Variants in MFSD2A observed in about 807,000 individuals in gnomAD.
MFSD2A encodes MFSD2 lysolipid transporter A, lysophospholipid, also known as sodium-dependent lysophosphatidylcholine symporter 1.
A neutral mutation model predicts 64.7 loss-of-function variants in MFSD2A; 27 were observed. The ratio of observed to expected loss-of-function variants is 0.42; its 90% CI spans 0.31 to 0.58. The LOEUF is 0.58. Among genes scored for constraint, MFSD2A ranks in the 20% least tolerant of loss-of-function variants. The pLI is 0.18. For synonymous variants in MFSD2A, 258 were observed against 273.4 expected (o/e 0.94, Z 0.55); for missense variants, 474 against 679.5 (o/e 0.70, Z 3.36).
At position 39,964,283 on chromosome 1, in the gene MFSD2A, A is replaced by G. The variant is rs1344114943; in HGVS notation, c.354-928A>G. 2.0e-5 allele frequency: 3 copies of G among 152,300 alleles called. No individual in the cohort carries two copies. The South Asian group carries it at 6.2e-4, about 32-fold the overall frequency. The allele number at this position is 152,300 out of a possible 1,614,324, so 9.4% of individuals were successfully genotyped here. ...GTATGTAAGTTCCACAAGGGCAATGATTTTTTATCTGTTCTCTAGTTATCC... is the reference window on the plus strand; with the variant it reads ...GTATGTAAGTTCCACAAGGGCAATGGTTTTTTATCTGTTCTCTAGTTATCC... On this transcript the variant is annotated intron_variant, in intron 3 of 13. Transcript: ENST00000372811. This position sits in a 1 kb window ranked among gnomAD's most constrained non-coding sequence, Gnocchi z 4.1.
chr1:39,957,198 A>C lies in MFSD2A; in HGVS notation c.205A>C (p.Ile69Leu), dbSNP rs1201543520. The C allele has an allele frequency of 4.4e-6, 7 of 1,607,128 alleles. 1 individual carries two copies. The highest frequency in any genetic ancestry group is 3.3e-4 in the Middle Eastern group (2 of 6,050). Reference protein sequence around the residue: ...TGCALGFFLQIYLLDVAQVGP... With the variant: ...TGCALGFFLQLYLLDVAQVGP... The stretch of plus-strand genomic sequence containing the variant: ...CTGTGCCCTGGGTTTCTTCCTTCAG[A>C]TCTACCTATTGGATGTGGCTCAGGT... Residue 69 changes from isoleucine (I) to leucine (L), a missense_variant, in exon 2 of 14, where the codon ATC becomes CTC. Physicochemically the swap from Ile to Leu is conservative, Grantham distance 5. Transcript: ENST00000372811.
chr1:39,962,203 C>T (rs955546685), intron 3 of MFSD2A, among the ~76,000 whole-genome samples: 1 of 152,208 alleles, frequency 6.6e-6, no homozygotes, highest in African/African-American at 2.4e-5. Context: ...CCTGGCCTTG[C>T]CCTTCCTTAG....
At chr1:39,962,043 CTG>C (rs1645055574) in intron 3 of MFSD2A, among the ~76,000 whole-genome samples, 1 of 152,248 alleles carries the variant, frequency 6.6e-6, no homozygotes, top group African/African-American at 2.4e-5. Context: ...GTCCCAAACA[CTG>C]TTTGACATTT....
chr1:39,965,429 G>T lies in MFSD2A; in HGVS notation c.478-42G>T, dbSNP rs1364175358. The T allele has an allele frequency of 1.4e-5, 23 of 1,613,402 alleles. No individual in the cohort carries two copies. The highest frequency in any genetic ancestry group is 1.6e-4 in the Middle Eastern group (1 of 6,078). ...TTGGTACTGGAAGCTACATCAGTGT[G>T]TCCACCCGCCTGACCAGCCAATGAC... On this transcript the variant is annotated intron_variant, in intron 4 of 13. Coordinates refer to ENST00000372811, the MANE Select transcript of MFSD2A (RefSeq NM_032793.5). This position sits in a 1 kb window ranked among gnomAD's most constrained non-coding sequence, Gnocchi z 5.5.
At position 39,963,054 on chromosome 1, in the gene MFSD2A, T is replaced by G. The variant is rs1044807332; in HGVS notation, c.354-2157T>G. On this transcript the variant is annotated intron_variant, in intron 3 of 13. Coordinates refer to ENST00000372811, the MANE Select transcript of MFSD2A (RefSeq NM_032793.5). This position sits in a 1 kb window ranked among gnomAD's most constrained non-coding sequence, Gnocchi z 4.2. ...CATTGTCCCCGTGCGCAGAGGCTAC[T>G]GGGGGAACAAGATCAGCAAGCCCCA... The G allele has an allele frequency of 2.8e-6, 4 of 1,430,442 alleles. No homozygotes were observed. The highest frequency in any genetic ancestry group is 2.8e-5 in the African/African-American group (2 of 71,274). 88.6% of individuals were successfully genotyped at this position (1,430,442 alleles called of 1,614,324 possible). A position where few individuals can be genotyped will look rare whatever the true frequency, so the allele number is the denominator to read the frequency against.
At position 39,955,227 on chromosome 1, in the gene MFSD2A, A is replaced by G; in HGVS notation, c.-66A>G. 2 of 1,278,146 alleles carry G rather than the reference A, an allele frequency of 1.6e-6. No individual in the cohort carries two copies. The highest frequency in any genetic ancestry group is 2.0e-6 in the Non-Finnish European group (2 of 994,316). 79.2% of individuals were successfully genotyped at this position (1,278,146 alleles called of 1,614,324 possible). On this transcript the variant is annotated 5_prime_UTR_variant, in exon 1 of 14. Coordinates refer to ENST00000372811, the MANE Select transcript of MFSD2A (RefSeq NM_032793.5). The surrounding 1 kb of genome is among the most constrained non-coding windows in gnomAD (Gnocchi z 5.9). ...GCTGCTACGAAGCGAGCTTGGGAGG[A>G]GCAGCGGCCTGCGGGGCAGAGGAGC...
chr1:39,962,503 C>T (rs982995727), intron 3 of MFSD2A, among the ~76,000 whole-genome samples: 4 of 152,274 alleles, frequency 2.6e-5, no homozygotes, highest in Admixed American at 2.6e-4. Context: ...TTTACCATAA[C>T]CTTTAAAAAA....
chr1:39,967,046 C>T, intron 8 of MFSD2A, 40 bp from the exon 9 acceptor site: 4 of 1,612,416 alleles, frequency 2.5e-6, no homozygotes, highest in Non-Finnish European at 3.4e-6. Context: ...AACATCACCT[C>T]CTTCCTTGCA....
rs1267800004 is a variant in MFSD2A at position 39,965,838 on chromosome 1, C to T, written c.557-19C>T. On this transcript the variant is annotated intron_variant, in intron 5 of 13. Coordinates refer to ENST00000372811, the MANE Select transcript of MFSD2A (RefSeq NM_032793.5). This position sits in a 1 kb window ranked among gnomAD's most constrained non-coding sequence, Gnocchi z 5.5. ...CAATCCATGAGGCCCCTCCAAAACA[C>T]CTCCTTTTCTCCTGCCAGGGATGAC... The T allele has an allele frequency of 3.1e-6, 5 of 1,612,858 alleles. No individual in the cohort carries two copies. In the African/African-American group the frequency reaches 4.0e-5, roughly 13 times the overall value.
In MFSD2A at chr1:39,966,815, C is replaced by G; in HGVS notation, c.810C>G (p.Pro270=). The change falls in exon 8 of 14, where the codon CCC becomes CCG. Residue 270 remains proline (P), a synonymous_variant. Coordinates refer to ENST00000372811, the MANE Select transcript of MFSD2A (RefSeq NM_032793.5). Reference sequence around the variant, plus strand: ...ACTGTCCGCTCTGGCCCCCAGAACCCTATGAAGCCCAGCAGTCTGAGCCAA... The same window carrying G: ...ACTGTCCGCTCTGGCCCCCAGAACCGTATGAAGCCCAGCAGTCTGAGCCAA... ...LILGVREQRE[P]YEAQQSEPIA... is the part of the protein sequence containing the mutation. 6.2e-7 allele frequency: 1 copy of G among 1,614,080 alleles called. No individual in the cohort carries two copies. The highest frequency in any genetic ancestry group is 1.1e-5 in the South Asian group (1 of 91,088).
intron 1 of MFSD2A, among the ~76,000 whole-genome samples, chr1:39,956,864 C>G (rs1255842866): frequency 7.5e-6 from 1 of 134,124 alleles, no homozygotes; most frequent in Admixed American, 8.8e-5. Flanking sequence ...TGCAGTGAGC[C>G]GAGATGGCAC....
chr1:39,958,138 A>G lies in MFSD2A; in HGVS notation c.229-563A>G, dbSNP rs74882301. Among the ~76,000 whole-genome samples the G allele has an allele frequency of 0.02, 3,085 of 151,076 alleles. 102 individuals carry two copies. Among genetic ancestry groups the G allele is most frequent in the African/African-American group, 0.07 (2,889 of 41,004 alleles). ...TAGCAATAGCAGGGCTTTGATGGATAAGGAGGAGTCTGGAGAGTCTGTATT... is the reference window on the plus strand; with the variant it reads ...TAGCAATAGCAGGGCTTTGATGGATGAGGAGGAGTCTGGAGAGTCTGTATT... On this transcript the variant is annotated intron_variant, in intron 2 of 13. Transcript: ENST00000372811. This position sits in a 1 kb window ranked among gnomAD's most constrained non-coding sequence, Gnocchi z 4.7.
intron 3 of MFSD2A, chr1:39,962,568 G>T: frequency 1.6e-6 from 1 of 627,018 alleles, no homozygotes. Context: ...CACTGGTGCA[G>T]CGGGGGGGCC....
rs1644949227 is a variant in MFSD2A at position 39,957,218 on chromosome 1, T to C, written c.225T>C (p.Ala75=). 6.3e-7 allele frequency: 1 copy of C among 1,591,788 alleles called. No homozygotes were observed. Among genetic ancestry groups the C allele is most frequent in the South Asian group, 1.1e-5 (1 of 88,430 alleles). The part of the protein sequence containing the change: ...FFLQIYLLDV[A]QVGPFSASII... Reference sequence around the variant, plus strand: ...TTCAGATCTACCTATTGGATGTGGCTCAGGTGAGTGGTCTAAGCCTTCGAG... The same window carrying C: ...TTCAGATCTACCTATTGGATGTGGCCCAGGTGAGTGGTCTAAGCCTTCGAG... Residue 75 remains alanine (A), a synonymous_variant, in exon 2 of 14, where the codon GCT becomes GCC. Coordinates refer to ENST00000372811, the MANE Select transcript of MFSD2A (RefSeq NM_032793.5).
rs1226066327 is a variant in MFSD2A, at chr1:39,958,839, G to A, written c.353+14G>A. The A allele has an allele frequency of 1.9e-6, 3 of 1,581,782 alleles. No individual in the cohort carries two copies. The highest frequency in any genetic ancestry group is 1.8e-5 in the Admixed American group (1 of 55,498). On this transcript the variant is annotated intron_variant, in intron 3 of 13. Coordinates refer to ENST00000372811, the MANE Select transcript of MFSD2A (RefSeq NM_032793.5). The surrounding 1 kb of genome is among the most constrained non-coding windows in gnomAD (Gnocchi z 4.7). Reference sequence around the variant, plus strand: ...CCTTATGCCCTGGTGAGTAGAATATGCCCCTTCGAGGTGGCACAAGGCAGG... The same window carrying A: ...CCTTATGCCCTGGTGAGTAGAATATACCCCTTCGAGGTGGCACAAGGCAGG...
At chr1:39,961,792 G>A (rs1300550347) in intron 3 of MFSD2A, among the ~76,000 whole-genome samples, 4 of 152,186 alleles carry the variant, frequency 2.6e-5, no homozygotes, top group East Asian at 1.9e-4. Flanking sequence ...GATTACAGGC[G>A]TGAGCCACCA....
rs1645146045 is a variant in MFSD2A, at chr1:39,965,708, T to C, written c.557-149T>C. 8.4e-7 allele frequency: 1 copy of C among 1,183,984 alleles called. No individual in the cohort carries two copies. Among genetic ancestry groups the C allele is most frequent in the African/African-American group, 1.5e-5 (1 of 66,348 alleles). 73.3% of individuals were successfully genotyped at this position (1,183,984 alleles called of 1,614,324 possible). A position where few individuals can be genotyped will look rare whatever the true frequency, so the allele number is the denominator to read the frequency against. On this transcript the variant is annotated intron_variant, in intron 5 of 13. Coordinates refer to ENST00000372811, the MANE Select transcript of MFSD2A (RefSeq NM_032793.5). This position sits in a 1 kb window ranked among gnomAD's most constrained non-coding sequence, Gnocchi z 5.5. Reference sequence around the variant, plus strand: ...ATTGCTCAGATGAGACCTGGAGAGGTGCATATGCGTTCAAACCAAGGTGTC... The same window carrying C: ...ATTGCTCAGATGAGACCTGGAGAGGCGCATATGCGTTCAAACCAAGGTGTC...
In MFSD2A at chr1:39,955,722, A is replaced by C; in HGVS notation, c.93+337A>C. 2 of 545,088 alleles carry C rather than the reference A, an allele frequency of 3.7e-6. No individual in the cohort carries two copies. Among genetic ancestry groups the C allele is most frequent in the South Asian group, 1.5e-5 (1 of 64,644 alleles). The allele number at this position is 545,088 out of a possible 1,614,324, so 33.8% of individuals were successfully genotyped here. A position where few individuals can be genotyped will look rare whatever the true frequency, so the allele number is the denominator to read the frequency against. The stretch of plus-strand genomic sequence containing the variant: ...CCAAACCCCAGAGATGACCCCAGAA[A>C]TCTGGGAAACTCCCCTTGGTTCCCC... On this transcript the variant is annotated intron_variant, in intron 1 of 13. Transcript: ENST00000372811. The surrounding 1 kb of genome is among the most constrained non-coding windows in gnomAD (Gnocchi z 5.9).
At chr1:39,961,747 A>T (rs1192812540) in intron 3 of MFSD2A, among the ~76,000 whole-genome samples, 1 of 150,246 alleles carries the variant, frequency 6.7e-6, no homozygotes, top group Non-Finnish European at 1.5e-5. Flanking sequence ...CCCAGCCTCA[A>T]GCAATACTCC....
Sources: allele counts gnomAD v4.1 joint callset (sites outside exome capture counted in the v4.1 genomes callset), GRCh38; gene constraint gnomAD v4.1.1; non-coding constraint Gnocchi (gnomAD v3.1); transcripts MANE v1.5; gene names NCBI Gene and HGNC (gene_info 2026-07-23, HGNC 2026-07-21).